Variants in USP32 observed in about 807,000 individuals in gnomAD.
USP32 encodes ubiquitin specific peptidase 32.
USP32 carries 59 observed loss-of-function variants against 204.8 expected under a neutral mutation model. That is an observed-to-expected ratio of 0.29 (90% CI 0.23 to 0.36). The LOEUF (loss-of-function observed/expected upper bound fraction) is 0.36, where lower values mean the gene tolerates loss of function less well. Ranked by LOEUF, USP32 falls within the 10% of genes least tolerant of loss-of-function variation. USP32 has a pLI of 1.00. For synonymous variants in USP32, 517 were observed against 678.4 expected, an observed-to-expected ratio of 0.76 and a Z score of 3.70; for missense variants, 1,160 against 1,946.4, an observed-to-expected ratio of 0.60 and a Z score of 7.60.
intron 2 of USP32, among the ~76,000 whole-genome samples, chr17:60,318,702 G>A (rs945756844): frequency 6.6e-6 from 1 of 152,116 alleles, no homozygotes; most frequent in African/African-American, 2.4e-5. Flanking sequence ...AAACTTAAAT[G>A]GAGTAGAACC....
At chr17:60,339,606 TA>T (rs1259305022) in intron 2 of USP32, among the ~76,000 whole-genome samples, 1 of 148,218 alleles carries the variant, frequency 6.7e-6, no homozygotes, top group South Asian at 2.1e-4. Context: ...AAAAAAAGTA[TA>T]AACTGCCATG....
intron 2 of USP32, among the ~76,000 whole-genome samples, chr17:60,341,111 T>G (rs1460521662): frequency 2.0e-5 from 3 of 152,208 alleles, no homozygotes; most frequent in Non-Finnish European, 4.4e-5. Context: ...CATTTTTTCC[T>G]TCATTTCAAC....
intron 13 of USP32, 131 bp downstream of exon 13, chr17:60,225,908 C>A (rs1429168277): frequency 2.1e-6 from 2 of 932,592 alleles, no homozygotes; most frequent in Non-Finnish European, 3.0e-6. Context: ...GAGCAGAGAT[C>A]GCGCCACTGC....
intron 1 of USP32, among the ~76,000 whole-genome samples, chr17:60,349,831 A>G (rs1016966005): frequency 1.3e-5 from 2 of 150,442 alleles, no homozygotes; most frequent in African/African-American, 2.4e-5. Context: ...GTATACATTT[A>G]GAATATCATA....
intron 1 of USP32, among the ~76,000 whole-genome samples, chr17:60,349,620 TATATTATA>T (rs1407919469): frequency 1.4e-4 from 10 of 72,206 alleles, no homozygotes; most frequent in Admixed American, 6.5e-4. Flanking sequence ...TATATATATA[TATATTATA>T]TATATATATA....
chr17:60,408,104 A>T (rs955161021), intron 1 of USP32, among the ~76,000 whole-genome samples: 3 of 151,946 alleles, frequency 2.0e-5, no homozygotes, highest in Non-Finnish European at 4.4e-5. Flanking sequence ...TCTCAAAAAG[A>T]AAAAGAAAGA....
intron 12 of USP32, among the ~76,000 whole-genome samples, chr17:60,230,029 G>A (rs2085505879): frequency 6.6e-6 from 1 of 152,146 alleles, no homozygotes; most frequent in Admixed American, 6.5e-5. Context: ...GGCCAGGCTG[G>A]TCTTGAACCC....
chr17:60,217,547 G>A (rs1366588289), intron 16 of USP32, among the ~76,000 whole-genome samples: 13 of 151,798 alleles, frequency 8.6e-5, no homozygotes, highest in Non-Finnish European at 1.2e-4. Flanking sequence ...CAGCAGCCTC[G>A]GCCTCCCAAA....
intron 2 of USP32, among the ~76,000 whole-genome samples, chr17:60,332,992 T>C (rs978688969): frequency 1.3e-5 from 2 of 152,224 alleles, no homozygotes; most frequent in Admixed American, 1.3e-4. Context: ...TTTCAAGATA[T>C]TTCTATTTTG....
At chr17:60,231,267 C>T (rs939648751) in intron 12 of USP32, among the ~76,000 whole-genome samples, 2 of 152,086 alleles carry the variant, frequency 1.3e-5, no homozygotes, top group African/African-American at 2.4e-5. Flanking sequence ...AATCAATTAA[C>T]AGTTATGTCA....
chr17:60,218,592 G>A (rs1423379138), intron 16 of USP32, among the ~76,000 whole-genome samples: 1 of 151,662 alleles, frequency 6.6e-6, no homozygotes, highest in African/African-American at 2.4e-5. Flanking sequence ...TTGTGTAAAT[G>A]GTTGCTCATG....
intron 1 of USP32, among the ~76,000 whole-genome samples, chr17:60,413,221 G>A (rs899889583): frequency 2.0e-5 from 3 of 152,164 alleles, no homozygotes; most frequent in Non-Finnish European, 2.9e-5. Context: ...CTGCCAGTGG[G>A]GGAGGGAAAG....
chr17:60,396,994 A>T (rs903343116), upstream of USP32, among the ~76,000 whole-genome samples: 1 of 152,212 alleles, frequency 6.6e-6, no homozygotes, highest in Non-Finnish European at 1.5e-5. Flanking sequence ...AAGCTCCTGA[A>T]AAAATCAAGT....
At chr17:60,364,931 T>C (rs1032522744) in intron 1 of USP32, among the ~76,000 whole-genome samples, 3 of 152,158 alleles carry the variant, frequency 2.0e-5, no homozygotes, top group African/African-American at 4.8e-5. Flanking sequence ...AAGCCACAAA[T>C]AACAACATGG....
Position 60,219,849 on chromosome 17 carries a change from C to A in USP32, c.1750-62G>T. On this transcript the variant is annotated intron_variant, in intron 15 of 33. Transcript: ENST00000300896. ...AAGAAACAAAACTTGCCATTTTAAT[C>A]TAACTTCTGAGATTTATTTCTAAAC... is the stretch of plus-strand genomic sequence containing the variant. The A allele has an allele frequency of 2.0e-6, 3 of 1,477,134 alleles. No homozygotes were observed. In the South Asian group the frequency reaches 4.0e-5, roughly 20 times the overall value. The allele number at this position is 1,477,134 out of a possible 1,614,324, so 91.5% of individuals were successfully genotyped here.
At chr17:60,205,924 T>A (rs1013102421) in intron 25 of USP32, among the ~76,000 whole-genome samples, 11 of 152,250 alleles carry the variant, frequency 7.2e-5, no homozygotes, top group Admixed American at 2.6e-4. Context: ...ATCAGCACCA[T>A]GTTGTAGCAC....
At chr17:60,309,282 C>T (rs191072186) in intron 2 of USP32, among the ~76,000 whole-genome samples, 67 of 152,174 alleles carry the variant, frequency 4.4e-4, no homozygotes, top group Admixed American at 2.5e-3. Flanking sequence ...GCTCAAACAA[C>T]TTACTAGCAA....
At chr17:60,211,166 C>T in intron 20 of USP32, 48 bp from the exon 21 acceptor site, 1 of 1,597,682 alleles carries the variant, frequency 6.3e-7, no homozygotes, top group South Asian at 1.1e-5. Flanking sequence ...TCATAAATCA[C>T]AATCATGTGG....
chr17:60,266,280 A>T (rs1365790046), intron 7 of USP32, among the ~76,000 whole-genome samples, 189 bp from the exon 8 acceptor site: 1 of 152,208 alleles, frequency 6.6e-6, no homozygotes, highest in African/African-American at 2.4e-5. Flanking sequence ...CTTCCTGCAT[A>T]TCATGAATCT....
Sources: allele counts gnomAD v4.1 joint callset (sites outside exome capture counted in the v4.1 genomes callset), GRCh38; gene constraint gnomAD v4.1.1; transcripts MANE v1.5; gene names NCBI Gene and HGNC (gene_info 2026-07-23, HGNC 2026-07-21).